The following IGFL4 variants were observed in gnomAD, a reference collection of about 807,000 sequenced individuals.
IGFL4 encodes the protein IGF like family member 4.
Under a neutral mutation model 15.4 loss-of-function variants are expected in IGFL4, and 12 were observed. The ratio of observed to expected loss-of-function variants is 0.78; its 90% CI spans 0.50 to 1.26. IGFL4 has a LOEUF of 1.26. IGFL4 is among the 50% of genes most tolerant of loss of function. IGFL4 has a pLI of 0.00. For missense variants in IGFL4, 126 were observed against 147.8 expected (o/e 0.85, Z 0.76); for synonymous variants, 54 against 55.9 (o/e 0.97, Z 0.16).
At chr19:46,049,815 G>A (rs1256094654) in intron 2 of IGFL4, among the ~76,000 whole-genome samples, 2 of 152,254 alleles carry the variant, frequency 1.3e-5, no homozygotes, top group East Asian at 1.9e-4. Context: ...AACCACAGCT[G>A]ACGCGCTCTT....
Position 46,040,365 on chromosome 19 carries a change from T to G in IGFL4, c.122A>C (p.Tyr41Ser), listed in dbSNP as rs1452341080. Residue 41 changes from tyrosine (Y) to serine (S), a missense_variant, in exon 3 of 4, where the codon TAC (tyrosine) becomes TCC (serine). Transcript: ENST00000377697. The surrounding 1 kb of genome is among the most constrained non-coding windows in gnomAD (Gnocchi z 4.1). ...ATCACAGCACTGCTCCAAGGGGTTG[T>G]AGGTCCACTCCCCGCACCTGGGCGC... Reference protein sequence around the residue: ...QPAPRCGEWTYNPLEQCCDDG... With the variant: ...QPAPRCGEWTSNPLEQCCDDG... 1.2e-6 allele frequency: 2 copies of G among 1,614,072 alleles called. No individual in the cohort carries two copies. Among genetic ancestry groups the G allele is most frequent in the East Asian group, 2.2e-5 (1 of 44,890 alleles).
At chr19:46,042,861 C>T (rs1228339437), upstream of IGFL4, among the ~76,000 whole-genome samples, 3 of 152,228 alleles carry the variant, frequency 2.0e-5, no homozygotes, top group African/African-American at 7.2e-5. Context: ...GGCGGCCTCC[C>T]TTATCCATAG....
At chr19:46,041,023 A>T, upstream of IGFL4, 2 of 1,463,580 alleles carry the variant, frequency 1.4e-6, no homozygotes, top group South Asian at 1.3e-5. Context: ...GTGACTTTAC[A>T]TAGGGGCTTA....
At chr19:46,064,164 C>CTTATTT (rs57245857) in intron 1 of IGFL4, among the ~76,000 whole-genome samples, 129,229 of 151,540 alleles carry the variant, frequency 0.85, 55,547 homozygotes, top group African/African-American at 0.93. Context: ...AATATTTATT[C>CTTATTT]TTAATTTTAA....
intron 1 of IGFL4, chr19:46,060,337 C>T (rs1969433241): frequency 6.6e-6 from 1 of 152,122 alleles, no homozygotes; most frequent in Non-Finnish European, 1.5e-5. Context: ...AAGCAAAAAG[C>T]CGAAAAAGAT....
chr19:46,051,406 T>G (rs1600672024), intron 2 of IGFL4, among the ~76,000 whole-genome samples: 1 of 152,120 alleles, frequency 6.6e-6, no homozygotes, highest in East Asian at 1.9e-4. Flanking sequence ...CAGGTGGGCG[T>G]GGTGGCAGGT....
chr19:46,042,810 A>G (rs1450738524), upstream of IGFL4, among the ~76,000 whole-genome samples: 1 of 152,170 alleles, frequency 6.6e-6, no homozygotes, highest in East Asian at 1.9e-4. Context: ...AGAAAGCCTC[A>G]TCCCTCCCTA....
At chr19:46,057,529 G>A (rs1356659799) in intron 2 of IGFL4, 1 of 152,106 alleles carries the variant, frequency 6.6e-6, no homozygotes, top group Non-Finnish European at 1.5e-5. Flanking sequence ...AGAAAGTGAA[G>A]GAATAAAAGA....
At chr19:46,043,782 T>C (rs1313573935), upstream of IGFL4, among the ~76,000 whole-genome samples, 1 of 152,034 alleles carries the variant, frequency 6.6e-6, no homozygotes, top group African/African-American at 2.4e-5. Flanking sequence ...CCTACAAAAT[T>C]TAACTCCAAA....
intron 2 of IGFL4, chr19:46,057,629 T>C (rs1215912539): frequency 2.0e-5 from 3 of 152,174 alleles, no homozygotes; most frequent in African/African-American, 7.2e-5. Flanking sequence ...CAAAGTATAC[T>C]AGTCTGCTCT....
chr19:46,041,090 G>A (rs1969238732), upstream of IGFL4: 1 of 782,736 alleles, frequency 1.3e-6, no homozygotes. Context: ...TGGTTTCTTG[G>A]GAAGAGTTAG....
At chr19:46,076,744 C>T (rs541556982) in intron 1 of IGFL4, among the ~76,000 whole-genome samples, 37 of 149,718 alleles carry the variant, frequency 2.5e-4, no homozygotes, top group African/African-American at 9.2e-4. Context: ...CTGGTGTTGT[C>T]AACTTAAAAT....
intron 1 of IGFL4, among the ~76,000 whole-genome samples, chr19:46,062,517 C>A (rs975830475): frequency 1.3e-5 from 2 of 152,158 alleles, no homozygotes; most frequent in Non-Finnish European, 2.9e-5. Flanking sequence ...GTGATATGAA[C>A]CCCTAAATTC....
rs748838730 is a variant in IGFL4, at chr19:46,040,541, C to T, written c.47G>A (p.Gly16Asp). ...ACCTGTGACTCCTTCTGAGTTTGAA[C>T]CCAAAAGTTCAAAAATGAAGATGGC... ...SAAIFIFELL[G>D]SNSEGVTDLR... The change falls in exon 2 of 4, where the codon GGT (glycine) becomes GAT (aspartate). Residue 16 changes from glycine (G) to aspartate (D), a missense_variant. Coordinates refer to ENST00000377697, the MANE Select transcript of IGFL4 (RefSeq NM_001002923.3). The surrounding 1 kb of genome is among the most constrained non-coding windows in gnomAD (Gnocchi z 4.1). 3 of 1,614,086 alleles carry T rather than the reference C, an allele frequency of 1.9e-6. No individual in the cohort carries two copies. The highest frequency in any genetic ancestry group is 2.5e-6 in the Non-Finnish European group (3 of 1,180,044).
chr19:46,059,586 A>C (rs1174257842), intron 2 of IGFL4: 1 of 152,128 alleles, frequency 6.6e-6, no homozygotes, highest in Non-Finnish European at 1.5e-5. Flanking sequence ...AACCCTCAAA[A>C]ACAACTGATG....
At chr19:46,041,063 G>A, upstream of IGFL4, 1 of 1,092,402 alleles carries the variant, frequency 9.2e-7, no homozygotes, top group Non-Finnish European at 1.3e-6. Flanking sequence ...GCCATTTAGG[G>A]AGGTGTGCAG....
chr19:46,071,146 T>C (rs1969542205), intron 1 of IGFL4, among the ~76,000 whole-genome samples: 1 of 152,024 alleles, frequency 6.6e-6, no homozygotes, highest in African/African-American at 2.4e-5. Context: ...TTTTTTTTTT[T>C]TCTTTTTTTC....
At chr19:46,071,724 C>A (rs183500318) in intron 1 of IGFL4, among the ~76,000 whole-genome samples, 7 of 152,266 alleles carry the variant, frequency 4.6e-5, no homozygotes, top group Admixed American at 3.9e-4. Flanking sequence ...AAATAGCCTT[C>A]AAAAATGGTA....
intron 1 of IGFL4, among the ~76,000 whole-genome samples, chr19:46,074,313 A>C (rs1230916383): frequency 6.6e-6 from 1 of 151,706 alleles, no homozygotes; most frequent in East Asian, 1.9e-4. Context: ...ACACACATAT[A>C]TATATCTTAT....
Sources: allele counts gnomAD v4.1 joint callset (sites outside exome capture counted in the v4.1 genomes callset), GRCh38; gene constraint gnomAD v4.1.1; non-coding constraint Gnocchi (gnomAD v3.1); transcripts MANE v1.5; gene names NCBI Gene and HGNC (gene_info 2026-07-23, HGNC 2026-07-21).